The following NBEA variants were observed in gnomAD, a reference collection of about 807,000 sequenced individuals.
NBEA encodes the protein neurobeachin, also known as lysosomal-trafficking regulator 2.
In NBEA, 44 loss-of-function variants were observed where a neutral mutation model predicts 343.4. The ratio of observed to expected loss-of-function variants is 0.13; its 90% CI spans 0.10 to 0.16. The LOEUF is 0.16. Among genes scored for constraint, NBEA ranks in the 10% least tolerant of loss-of-function variants. The pLI, the probability that NBEA is intolerant of heterozygous loss-of-function variation, is 1.00. For missense variants in NBEA, 2,555 were observed against 3,631.3 expected (o/e 0.70, Z 7.62); for synonymous variants, 1,175 against 1,238.7 (o/e 0.95, Z 1.08).
intron 34 of NBEA, among the ~76,000 whole-genome samples, chr13:35,249,459 AAAGCACAAGAAGAAACCTTACACTCATT>A (rs1183008306): frequency 6.6e-6 from 1 of 152,212 alleles, no homozygotes; most frequent in African/African-American, 2.4e-5. Context: ...GATATAGTCA[AAAGCACAAGAAGAAACCTTACACTCATT>A]AAGCACAAGA....
intron 38 of NBEA, among the ~76,000 whole-genome samples, chr13:35,415,478 T>C (rs1010800150): frequency 9.9e-5 from 15 of 152,230 alleles, no homozygotes; most frequent in African/African-American, 3.6e-4. Flanking sequence ...CAGCACCATT[T>C]ATTAAATAGG....
chr13:35,392,124 C>T (rs182034767), intron 38 of NBEA, among the ~76,000 whole-genome samples: 1 of 151,974 alleles, frequency 6.6e-6, no homozygotes, highest in African/African-American at 2.4e-5. Context: ...CTACAAATAT[C>T]ATATTTGTAT....
intron 18 of NBEA, among the ~76,000 whole-genome samples, chr13:35,149,018 C>T (rs1311363554): frequency 6.6e-6 from 1 of 152,178 alleles, no homozygotes; most frequent in East Asian, 1.9e-4. Flanking sequence ...AGTGGCTGCT[C>T]TTTAGATTAG....
At chr13:35,661,050 T>G (rs2085068045) in intron 55 of NBEA, among the ~76,000 whole-genome samples, 1 of 152,114 alleles carries the variant, frequency 6.6e-6, no homozygotes, top group Non-Finnish European at 1.5e-5. Context: ...CTTTCCAGGG[T>G]TCCAGACTGA....
intron 31 of NBEA, among the ~76,000 whole-genome samples, chr13:35,199,257 A>G (rs987345061): frequency 3.3e-5 from 5 of 152,122 alleles, no homozygotes; most frequent in African/African-American, 1.2e-4. Context: ...GTATATAAAC[A>G]TGTTTCTGAA....
At position 35,081,816 on chromosome 13, in the gene NBEA, A is replaced by G. The variant is rs953142454; in HGVS notation, c.1571+10964A>G. Among the ~76,000 whole-genome samples the G allele has an allele frequency of 9.9e-5, 15 of 152,248 alleles. No homozygotes were observed. In the East Asian group the frequency reaches 2.9e-3, roughly 29 times the overall value. Reference sequence around the variant, plus strand: ...ATTAAAAATACTTTGCGAAATTTATAGGTGTATGTGAATATTTGTTACATT... The same window carrying G: ...ATTAAAAATACTTTGCGAAATTTATGGGTGTATGTGAATATTTGTTACATT... On this transcript the variant is annotated intron_variant, in intron 10 of 58. Transcript: ENST00000379939.
At chr13:35,013,409 G>A (rs1014459781) in intron 1 of NBEA, among the ~76,000 whole-genome samples, 10 of 151,898 alleles carry the variant, frequency 6.6e-5, no homozygotes, top group Middle Eastern at 3.4e-3. Flanking sequence ...GATACACTTC[G>A]GACATATTTC....
chr13:35,363,491 A>G (rs181590298), intron 38 of NBEA, among the ~76,000 whole-genome samples: 9 of 151,856 alleles, frequency 5.9e-5, no homozygotes, highest in Admixed American at 6.6e-5. Context: ...GATTACTTCA[A>G]TTTCCTCACC....
At chr13:35,264,832 G>T (rs1298828368) in intron 34 of NBEA, among the ~76,000 whole-genome samples, 1 of 151,762 alleles carries the variant, frequency 6.6e-6, no homozygotes, top group Non-Finnish European at 1.5e-5. Flanking sequence ...ATCTGAGAGA[G>T]AACAAGTAAA....
chr13:35,410,964 G>A (rs2043549225), intron 38 of NBEA, among the ~76,000 whole-genome samples: 1 of 152,090 alleles, frequency 6.6e-6, no homozygotes, highest in African/African-American at 2.4e-5. Context: ...ATAATAAGCA[G>A]ATATTATCGT....
intron 40 of NBEA, among the ~76,000 whole-genome samples, chr13:35,470,143 A>G (rs1378937413): frequency 6.6e-6 from 1 of 152,200 alleles, no homozygotes; most frequent in Non-Finnish European, 1.5e-5. Context: ...TTAATGCTGA[A>G]TATTTCATGA....
intron 1 of NBEA, among the ~76,000 whole-genome samples, chr13:34,967,965 G>A (rs1236271913): frequency 1.8e-4 from 27 of 152,058 alleles, no homozygotes; most frequent in Admixed American, 1.8e-3. Flanking sequence ...TCAGATACCA[G>A]CCTGAAATAG....
At chr13:35,448,830 A>C (rs2046167149) in intron 39 of NBEA, among the ~76,000 whole-genome samples, 1 of 152,220 alleles carries the variant, frequency 6.6e-6, no homozygotes, top group Non-Finnish European at 1.5e-5. Context: ...GGCACCAGGC[A>C]CTGAAGCTAC....
At chr13:35,223,345 G>T (rs1270435508) in intron 33 of NBEA, among the ~76,000 whole-genome samples, 1 of 151,978 alleles carries the variant, frequency 6.6e-6, no homozygotes, top group Non-Finnish European at 1.5e-5. Flanking sequence ...AATTACCTCC[G>T]TTTTTGTTGT....
chr13:35,073,513 C>T (rs921992979), intron 10 of NBEA, among the ~76,000 whole-genome samples: 1 of 152,192 alleles, frequency 6.6e-6, no homozygotes, highest in Non-Finnish European at 1.5e-5. Context: ...TTATCTTCCA[C>T]ATAGTTTTCT....
intron 11 of NBEA, among the ~76,000 whole-genome samples, chr13:35,100,264 C>T (rs1199372150): frequency 6.6e-6 from 1 of 151,808 alleles, no homozygotes; most frequent in East Asian, 1.9e-4. Flanking sequence ...CATGTCTTTT[C>T]TTTGAAACAA....
intron 38 of NBEA, among the ~76,000 whole-genome samples, chr13:35,353,396 C>T (rs900221453): frequency 1.3e-5 from 2 of 151,564 alleles, no homozygotes; most frequent in Admixed American, 1.3e-4. Context: ...GATTGTGCCA[C>T]AGAACTCCAG....
At chr13:35,643,008 T>C (rs2084038143) in intron 49 of NBEA, among the ~76,000 whole-genome samples, 1 of 151,708 alleles carries the variant, frequency 6.6e-6, no homozygotes, top group Non-Finnish European at 1.5e-5. Context: ...GACCAATGTA[T>C]AGAGAAATAG....
chr13:35,498,584 A>G (rs1174917700), intron 41 of NBEA, among the ~76,000 whole-genome samples: 2 of 152,062 alleles, frequency 1.3e-5, no homozygotes, highest in Non-Finnish European at 2.9e-5. Flanking sequence ...CTGCTCAAAA[A>G]CAAAGTGTCC....
Sources: allele counts gnomAD v4.1 joint callset (sites outside exome capture counted in the v4.1 genomes callset), GRCh38; gene constraint gnomAD v4.1.1; transcripts MANE v1.5; gene names NCBI Gene and HGNC (gene_info 2026-07-23, HGNC 2026-07-21).